Variants in SNX18 observed in about 807,000 individuals in gnomAD.
SNX18 encodes the protein sorting nexin 18.
A neutral mutation model predicts 48.7 loss-of-function variants in SNX18; 35 were observed. The ratio of observed to expected loss-of-function variants is 0.72; its 90% confidence interval spans 0.55 to 0.95. The LOEUF is 0.95. Ranked by LOEUF, SNX18 falls within the 40% of genes least tolerant of loss-of-function variation. The probability of loss-of-function intolerance (pLI) is 0.00; values close to 1 mark genes in which losing one functional copy is unlikely to be tolerated. For missense variants in SNX18, 824 were observed against 871.0 expected (o/e 0.95, Z 0.68); for synonymous variants, 492 against 384.7 (o/e 1.28, Z -3.26).
At chr5:54,597,722 G>T in the SNX18 span, among the ~76,000 whole-genome samples, 115 of 152,240 alleles carry the variant, frequency 7.6e-4, no homozygotes, top group African/African-American at 2.6e-3. Context: ...CAGAATCTCT[G>T]GGATGCAGCT....
At chr5:54,578,573 T>A in the SNX18 span, among the ~76,000 whole-genome samples, 3 of 152,186 alleles carry the variant, frequency 2.0e-5, no homozygotes, top group African/African-American at 7.2e-5. Flanking sequence ...GCTGCCTTTG[T>A]GGGGAGCTGA....
At chr5:54,629,910 G>A in the SNX18 span, among the ~76,000 whole-genome samples, 1 of 152,192 alleles carries the variant, frequency 6.6e-6, no homozygotes, top group East Asian at 1.9e-4. Flanking sequence ...ATCCACCCTT[G>A]CATTATAGGA....
At chr5:54,568,601 G>T in the SNX18 span, among the ~76,000 whole-genome samples, 2 of 152,166 alleles carry the variant, frequency 1.3e-5, no homozygotes, top group Non-Finnish European at 2.9e-5. Context: ...CAGTGCCAAA[G>T]AAAGTGCCCG....
At chr5:54,538,228 A>G (rs1762393039) in intron 1 of SNX18, among the ~76,000 whole-genome samples, 1 of 152,232 alleles carries the variant, frequency 6.6e-6, no homozygotes, top group Admixed American at 6.5e-5. Flanking sequence ...TTTCACTCAC[A>G]TCTAGCCAAC....
downstream of SNX18, among the ~76,000 whole-genome samples, chr5:54,550,177 A>G (rs1454521361): frequency 2.6e-5 from 4 of 152,210 alleles, no homozygotes; most frequent in Admixed American, 6.5e-5. Flanking sequence ...TGCTAACTAC[A>G]TATTCACATA....
At chr5:54,635,392 A>G in the SNX18 span, among the ~76,000 whole-genome samples, 1 of 152,184 alleles carries the variant, frequency 6.6e-6, no homozygotes, top group African/African-American at 2.4e-5. Flanking sequence ...TAGAAAAGCC[A>G]CCAAGTTTCT....
intron 1 of SNX18, among the ~76,000 whole-genome samples, chr5:54,538,052 A>T (rs932667370): frequency 7.2e-5 from 11 of 152,126 alleles, no homozygotes; most frequent in Admixed American, 3.3e-4. Flanking sequence ...AGAGCTGAAA[A>T]TTTTGCTCTC....
chr5:54,536,633 T>G (rs889968845), intron 1 of SNX18, among the ~76,000 whole-genome samples: 1 of 152,206 alleles, frequency 6.6e-6, no homozygotes, highest in African/African-American at 2.4e-5. Context: ...CTATCATTGA[T>G]GGTCATTTGG....
the SNX18 span, among the ~76,000 whole-genome samples, chr5:54,615,664 G>C: frequency 6.6e-6 from 1 of 152,170 alleles, no homozygotes; most frequent in Non-Finnish European, 1.5e-5. Flanking sequence ...CCTAGTTTGG[G>C]CTTTAACCAA....
the SNX18 span, among the ~76,000 whole-genome samples, chr5:54,594,735 A>G: frequency 6.6e-6 from 1 of 152,168 alleles, no homozygotes; most frequent in African/African-American, 2.4e-5. Context: ...ATTCAGGGGT[A>G]TTACGTGATG....
chr5:54,626,272 G>T, the SNX18 span, among the ~76,000 whole-genome samples: 18 of 152,194 alleles, frequency 1.2e-4, no homozygotes, highest in Admixed American at 4.6e-4. Context: ...TCTTAGGATT[G>T]TAGTAAACTA....
At chr5:54,611,834 G>C in the SNX18 span, among the ~76,000 whole-genome samples, 2 of 151,938 alleles carry the variant, frequency 1.3e-5, no homozygotes, top group Non-Finnish European at 2.9e-5. Context: ...AGGGTGCCTG[G>C]AGCAACACAT....
At chr5:54,641,806 T>C in the SNX18 span, among the ~76,000 whole-genome samples, 184 of 152,306 alleles carry the variant, frequency 1.2e-3, 1 homozygote, top group African/African-American at 4.3e-3. Flanking sequence ...TATGTATGCG[T>C]GTGCGGGTGG....
At chr5:54,625,946 T>C in the SNX18 span, among the ~76,000 whole-genome samples, 1 of 152,112 alleles carries the variant, frequency 6.6e-6, no homozygotes, top group South Asian at 2.1e-4. Context: ...AAGAGCAACA[T>C]AGAGGAAAAT....
intron 1 of SNX18, among the ~76,000 whole-genome samples, chr5:54,522,134 G>A (rs528618775): frequency 6.6e-6 from 1 of 152,174 alleles, no homozygotes; most frequent in African/African-American, 2.4e-5. Flanking sequence ...GACAGTGTGC[G>A]ATACATAAGG....
chr5:54,592,903 C>T, the SNX18 span, among the ~76,000 whole-genome samples: 6 of 152,298 alleles, frequency 3.9e-5, no homozygotes, highest in African/African-American at 1.4e-4. Context: ...CAGGTTCAAG[C>T]GATTCTCATG....
chr5:54,531,825 A>G (rs1396454630), intron 1 of SNX18, among the ~76,000 whole-genome samples: 2 of 152,204 alleles, frequency 1.3e-5, no homozygotes, highest in East Asian at 3.9e-4. Context: ...AGCACTCAGG[A>G]TAACGAAGAG....
chr5:54,529,918 A>G (rs1028747382), intron 1 of SNX18, among the ~76,000 whole-genome samples: 2 of 152,198 alleles, frequency 1.3e-5, no homozygotes, highest in Non-Finnish European at 2.9e-5. Flanking sequence ...ACAAATTCCT[A>G]CAAACTGGGT....
chr5:54,643,814 C>T, the SNX18 span: 11 of 152,332 alleles, frequency 7.2e-5, no homozygotes, highest in African/African-American at 2.4e-4. Context: ...CCGACTGATA[C>T]CATCATTTTA....
Sources: gnomAD v4.1 joint callset for allele counts (sites outside exome capture counted in the v4.1 genomes callset) on GRCh38, gnomAD v4.1.1 for gene constraint, MANE v1.5 for transcripts, NCBI Gene and HGNC (gene_info 2026-07-23, HGNC 2026-07-21) for gene names.